ZBTB40: variants seen among roughly 807,000 people sequenced by gnomAD.
ZBTB40 encodes zinc finger and BTB domain-containing protein 40.
A neutral mutation model predicts 117.5 loss-of-function variants in ZBTB40; 60 were observed. The ratio of observed to expected loss-of-function variants is 0.51; its 90% CI spans 0.41 to 0.63. The LOEUF is 0.63. Ranked by LOEUF, ZBTB40 falls within the 30% of genes least tolerant of loss-of-function variation. The pLI is 0.00. For synonymous variants in ZBTB40, 525 were observed against 577.1 expected, an observed-to-expected ratio of 0.91 and a Z score of 1.29; for missense variants, 1,287 against 1,498.5, an observed-to-expected ratio of 0.86 and a Z score of 2.33.
rs1639738221 is a variant in ZBTB40, at chr1:22,528,383, CAAAA to C, written c.*1988_*1991del. Reference sequence around the variant, plus strand: ...AATGTCATTAAAATTTCTTCCAAAACAAAACTAGAAATAATTGCTGAGGGCTTAT... The same window carrying C: ...AATGTCATTAAAATTTCTTCCAAAACCTAGAAATAATTGCTGAGGGCTTAT... On this transcript the variant is annotated 3_prime_UTR_variant, in exon 18 of 18. Coordinates refer to ENST00000375647, the MANE Select transcript of ZBTB40 (RefSeq NM_014870.4). 6.6e-6 allele frequency: 1 copy of C among 152,146 alleles called. No homozygotes were observed. The highest frequency in any genetic ancestry group is 2.1e-4 in the South Asian group (1 of 4,820). The allele number at this position is 152,146 out of a possible 1,614,324, so 9.4% of individuals were successfully genotyped here. A position where few individuals can be genotyped will look rare whatever the true frequency, so the allele number is the denominator to read the frequency against.
intron 12 of ZBTB40, among the ~76,000 whole-genome samples, chr1:22,516,468 T>A (rs1348163857): frequency 5.0e-5 from 3 of 59,936 alleles, no homozygotes; most frequent in African/African-American, 3.6e-4. Flanking sequence ...CACTGAGAGA[T>A]CATCTAGAAA....
chr1:22,521,733 C>T (rs985703635), intron 15 of ZBTB40, 75 bp downstream of exon 15: 4 of 1,594,400 alleles, frequency 2.5e-6, no homozygotes, highest in Non-Finnish European at 3.4e-6. Flanking sequence ...CCAGAAATCC[C>T]CACTTCTAAT....
intron 5 of ZBTB40, 120 bp downstream of exon 5, chr1:22,502,561 T>C: frequency 7.3e-7 from 1 of 1,361,358 alleles, no homozygotes; most frequent in Non-Finnish European, 1.0e-6. Flanking sequence ...ATAGTAAGCA[T>C]CTCGAAGTCA....
chr1:22,446,307 A>G (rs1354152716), intron 1 of ZBTB40, among the ~76,000 whole-genome samples: 1 of 152,142 alleles, frequency 6.6e-6, no homozygotes, highest in Non-Finnish European at 1.5e-5. Flanking sequence ...GGTGCAACAT[A>G]TGTAATGGGA....
chr1:22,496,567 A>G (rs1321627791), intron 3 of ZBTB40, among the ~76,000 whole-genome samples: 1 of 152,154 alleles, frequency 6.6e-6, no homozygotes, highest in Non-Finnish European at 1.5e-5. Flanking sequence ...TCTGTGTGCA[A>G]TCTACTGGTC....
intron 1 of ZBTB40, among the ~76,000 whole-genome samples, chr1:22,465,360 C>T (rs1456078923): frequency 6.6e-6 from 1 of 152,214 alleles, no homozygotes; most frequent in Non-Finnish European, 1.5e-5. Context: ...CCCATGTCTA[C>T]TCAGCTGTGG....
At chr1:22,471,546 G>C (rs981827293) in intron 1 of ZBTB40, among the ~76,000 whole-genome samples, 2 of 152,186 alleles carry the variant, frequency 1.3e-5, no homozygotes, top group African/African-American at 4.8e-5. Context: ...AGATGTTAGG[G>C]GAATTAAATG....
chr1:22,502,715 A>G lies in ZBTB40; in HGVS notation c.1167+274A>G, dbSNP rs568421296. Among the ~76,000 whole-genome samples the G allele has an allele frequency of 5.0e-3, 764 of 151,982 alleles. 4 individuals carry two copies. Among genetic ancestry groups the G allele is most frequent in the South Asian group, 0.011 (53 of 4,798 alleles). On this transcript the variant is annotated intron_variant, in intron 5 of 17. Transcript: ENST00000375647. ...GATGGGTGGACAGTTGGACAGATGG[A>G]TGGATGGACGGACGGACGGATGGAC...
chr1:22,497,907 T>C (rs1234919509), intron 3 of ZBTB40, among the ~76,000 whole-genome samples: 1 of 152,140 alleles, frequency 6.6e-6, no homozygotes, highest in African/African-American at 2.4e-5. Context: ...GTGGAGCGAT[T>C]GTAGTCTCTA....
chr1:22,517,586 G>T, intron 13 of ZBTB40, 122 bp downstream of exon 13: 1 of 1,217,560 alleles, frequency 8.2e-7, no homozygotes, highest in South Asian at 1.6e-5. Flanking sequence ...CCCCTTACCT[G>T]TTCCGCTGCA....
At chr1:22,452,399 C>G (rs1001378345) in intron 1 of ZBTB40, among the ~76,000 whole-genome samples, 1 of 152,238 alleles carries the variant, frequency 6.6e-6, no homozygotes, top group African/African-American at 2.4e-5. Flanking sequence ...AATCCATGCC[C>G]CCCTTCTCTC....
intron 7 of ZBTB40, 98 bp from the exon 8 acceptor site, chr1:22,508,432 A>C (rs919069952): frequency 7.6e-6 from 11 of 1,439,086 alleles, no homozygotes; most frequent in Non-Finnish European, 8.8e-6. Context: ...TCCTTCCCCA[A>C]ACATATTCAC....
In ZBTB40 at chr1:22,513,218, AAAAC is replaced by A. The variant is rs1029723042; in HGVS notation, c.2668+92_2668+95del. The A allele has an allele frequency of 1.5e-3, 2,079 of 1,414,986 alleles. 15 individuals are homozygous for A. The highest frequency in any genetic ancestry group is 1.1e-3 in the Non-Finnish European group (1,143 of 1,028,124). The allele number at this position is 1,414,986 out of a possible 1,614,324, so 87.7% of individuals were successfully genotyped here. A position where few individuals can be genotyped will look rare whatever the true frequency, so the allele number is the denominator to read the frequency against. ...TGGATTAGGTGTGATATATATCTCA[AAAAC>A]AAAACAATTTGATAGCACAACAGGG... On this transcript the variant is annotated intron_variant, in intron 12 of 17. Transcript: ENST00000375647. This position sits in a 1 kb window ranked among gnomAD's most constrained non-coding sequence, Gnocchi z 4.9.
At position 22,513,857 on chromosome 1, in the gene ZBTB40, T is replaced by C. The variant is rs1639307311; in HGVS notation, c.2668+727T>C. 6.6e-6 allele frequency among the ~76,000 whole-genome samples: 1 copy of C among 152,214 alleles called. No individual in the cohort carries two copies. Among genetic ancestry groups the C allele is most frequent in the Non-Finnish European group, 1.5e-5 (1 of 68,042 alleles). Reference sequence around the variant, plus strand: ...TCCTATGACTTTATATTAGGTCTTGTGGAAAAGTCATTGTGGTTTTTGCCA... The same window carrying C: ...TCCTATGACTTTATATTAGGTCTTGCGGAAAAGTCATTGTGGTTTTTGCCA... On this transcript the variant is annotated intron_variant, in intron 12 of 17. Coordinates refer to ENST00000375647, the MANE Select transcript of ZBTB40 (RefSeq NM_014870.4). The surrounding 1 kb of genome is among the most constrained non-coding windows in gnomAD (Gnocchi z 4.9).
At chr1:22,487,797 G>A (rs984298697) in intron 1 of ZBTB40, among the ~76,000 whole-genome samples, 2 of 151,996 alleles carry the variant, frequency 1.3e-5, no homozygotes, top group African/African-American at 4.8e-5. Flanking sequence ...CCTTTCAAAT[G>A]CCTCAATGGC....
chr1:22,442,618 C>T (rs1640746196), intron 1 of ZBTB40, among the ~76,000 whole-genome samples: 1 of 152,202 alleles, frequency 6.6e-6, no homozygotes, highest in African/African-American at 2.4e-5. Context: ...TGACCTCCCC[C>T]ATGCCACCCG....
intron 1 of ZBTB40, among the ~76,000 whole-genome samples, chr1:22,475,535 C>T (rs570853554): frequency 1.3e-5 from 2 of 152,184 alleles, no homozygotes; most frequent in Non-Finnish European, 2.9e-5. Flanking sequence ...ATGTTTCTTC[C>T]TTTGTCTGCA....
At chr1:22,476,276 A>G (rs906093118) in intron 1 of ZBTB40, among the ~76,000 whole-genome samples, 1 of 152,154 alleles carries the variant, frequency 6.6e-6, no homozygotes, top group Non-Finnish European at 1.5e-5. Context: ...CTGGAGTGCA[A>G]TGGCGTGATC....
chr1:22,495,449 T>C (rs1638747261), intron 3 of ZBTB40, among the ~76,000 whole-genome samples: 2 of 152,166 alleles, frequency 1.3e-5, no homozygotes, highest in Non-Finnish European at 2.9e-5. Context: ...AGTAAAACTG[T>C]TATTTAGAGC....
Sources: allele counts gnomAD v4.1 joint callset (sites outside exome capture counted in the v4.1 genomes callset), GRCh38; gene constraint gnomAD v4.1.1; non-coding constraint Gnocchi (gnomAD v3.1); transcripts MANE v1.5; gene names NCBI Gene and HGNC (gene_info 2026-07-23, HGNC 2026-07-21).